The following HDAC4 variants were observed in gnomAD, a reference collection of about 807,000 sequenced individuals.
The protein encoded by HDAC4 is histone deacetylase 4.
Under a neutral mutation model 135.1 loss-of-function variants are expected in HDAC4, and 16 were observed. That is an observed-to-expected ratio of 0.12 (90% CI 0.08 to 0.18). The LOEUF (loss-of-function observed/expected upper bound fraction) is 0.18, where lower values mean the gene tolerates loss of function less well. Ranked by LOEUF, HDAC4 falls within the 10% of genes least tolerant of loss-of-function variation. The pLI, the probability that HDAC4 is intolerant of heterozygous loss-of-function variation, is 1.00. For synonymous variants in HDAC4, 685 were observed against 653.4 expected (o/e 1.05, Z -0.74); for missense variants, 1,143 against 1,511.8 (o/e 0.76, Z 4.05).
chr2:239,367,617 CTGTT>C (rs1335043078), intron 1 of HDAC4, among the ~76,000 whole-genome samples: 3 of 152,206 alleles, frequency 2.0e-5, no homozygotes, highest in Non-Finnish European at 2.9e-5. Flanking sequence ...ACAGTCAAAA[CTGTT>C]TGGCGAACAA....
intron 15 of HDAC4, among the ~76,000 whole-genome samples, chr2:239,106,804 C>T (rs997401558): frequency 1.3e-4 from 20 of 152,202 alleles, no homozygotes; most frequent in Admixed American, 2.6e-4. Context: ...AGAGGCCCTC[C>T]GTGCCACGCC....
intron 2 of HDAC4, among the ~76,000 whole-genome samples, chr2:239,311,065 C>T (rs1282598761): frequency 6.6e-6 from 1 of 152,250 alleles, no homozygotes; most frequent in African/African-American, 2.4e-5. Context: ...GCCTTCTTGG[C>T]TACCTGTGGT....
rs2052384425 is a variant in HDAC4, at chr2:239,303,421, C to T, written c.22+49257G>A. 1.3e-5 allele frequency among the ~76,000 whole-genome samples: 2 copies of T among 152,184 alleles called. No homozygotes were observed. Among genetic ancestry groups the T allele is most frequent in the South Asian group, 2.1e-4 (1 of 4,820 alleles). ...CCTTCTGCAGTCGCCACCGAGCACT[C>T]GTGGTGTGGCCCACAGGGCATCCTG... is the stretch of plus-strand genomic sequence containing the variant. On this transcript the variant is annotated intron_variant, in intron 2 of 26. Transcript: ENST00000543185. The surrounding 1 kb of genome is among the most constrained non-coding windows in gnomAD (Gnocchi z 5.1).
chr2:239,389,928 C>T (rs915409638), intron 1 of HDAC4, among the ~76,000 whole-genome samples: 3 of 152,140 alleles, frequency 2.0e-5, no homozygotes, highest in African/African-American at 7.2e-5. Context: ...GGAGCCAGAC[C>T]GAAGGAGAGT....
Position 239,262,110 on chromosome 2 carries a change from C to T in HDAC4, c.23-25446G>A, listed in dbSNP as rs536963769. 5.3e-4 allele frequency among the ~76,000 whole-genome samples: 80 copies of T among 152,296 alleles called. No homozygotes were observed. Among genetic ancestry groups the T allele is most frequent in the African/African-American group, 1.8e-3 (73 of 41,562 alleles). ...GGGACCCTCCCAACCACGCCAGCGC[C>T]GCCTGCAGTGACGCCGGGCCACGCT... On this transcript the variant is annotated intron_variant, in intron 2 of 26. Transcript: ENST00000543185. The surrounding 1 kb of genome is among the most constrained non-coding windows in gnomAD (Gnocchi z 4.1).
Position 239,189,972 on chromosome 2 carries a change from C to A in HDAC4, c.200G>T (p.Arg67Leu). The A allele has an allele frequency of 6.2e-7, 1 of 1,608,218 alleles. No homozygotes were observed. Among genetic ancestry groups the A allele is most frequent in the Non-Finnish European group, 8.5e-7 (1 of 1,179,908 alleles). ...FSLPVAEPAL[R>L]EQQLQQELLA... ...GAGCTCCTGCTGCAGCTGCTGCTCC[C>A]GCAGGGCCGGCTCTGCCACAGGCAG... Residue 67 changes from arginine (R) to leucine (L), a missense_variant, in exon 4 of 27, where the codon CGG becomes CTG. Transcript: ENST00000543185.
intron 3 of HDAC4, among the ~76,000 whole-genome samples, chr2:239,203,601 TCTGA>T (rs963207699): frequency 1.3e-5 from 2 of 152,168 alleles, no homozygotes; most frequent in African/African-American, 4.8e-5. Flanking sequence ...ACGTCCACGG[TCTGA>T]CTGTCTTCTG....
chr2:239,127,522 C>T (rs751624194), intron 11 of HDAC4, among the ~76,000 whole-genome samples: 4 of 152,172 alleles, frequency 2.6e-5, no homozygotes, highest in South Asian at 2.1e-4. Context: ...AAGGATCTAA[C>T]GAACCCTCTG....
intron 3 of HDAC4, among the ~76,000 whole-genome samples, chr2:239,200,424 T>C (rs1485050888): frequency 1.3e-5 from 2 of 152,204 alleles, no homozygotes; most frequent in Non-Finnish European, 1.5e-5. Context: ...AGAAGTATTC[T>C]TTAAGGTAAA....
In HDAC4 at chr2:239,306,405, G is replaced by T. The variant is rs879797455; in HGVS notation, c.22+46273C>A. On this transcript the variant is annotated intron_variant, in intron 2 of 26. Coordinates refer to ENST00000543185, the MANE Select transcript of HDAC4 (RefSeq NM_001378414.1). This position sits in a 1 kb window ranked among gnomAD's most constrained non-coding sequence, Gnocchi z 4.5. ...GAGGACCTCAGAGGCCACCTGGCCA[G>T]GCCCCATCCACGGATGTGTCCCTGC... 1.3e-5 allele frequency among the ~76,000 whole-genome samples: 2 copies of T among 152,102 alleles called. No individual in the cohort carries two copies. The highest frequency in any genetic ancestry group is 2.4e-5 in the African/African-American group (1 of 41,426).
At chr2:239,242,988 G>T (rs1450806971) in intron 2 of HDAC4, among the ~76,000 whole-genome samples, 1 of 152,060 alleles carries the variant, frequency 6.6e-6, no homozygotes, top group Non-Finnish European at 1.5e-5. Flanking sequence ...AGGCCCAGGG[G>T]GTTTTTGGGA....
intron 1 of HDAC4, among the ~76,000 whole-genome samples, chr2:239,391,454 C>T (rs1050351373): frequency 3.9e-5 from 6 of 152,170 alleles, no homozygotes; most frequent in Non-Finnish European, 5.9e-5. Flanking sequence ...CAGCAGCAGG[C>T]CCCGGGCAGG....
chr2:239,337,090 G>A lies in HDAC4; in HGVS notation c.22+15588C>T, dbSNP rs1048023914. ...TATGGGTTACTGAGAGGAAGACCAC[G>A]GGGGAAAGTGCCATTCTCATCATAT... On this transcript the variant is annotated intron_variant, in intron 2 of 26. Coordinates refer to ENST00000543185, the MANE Select transcript of HDAC4 (RefSeq NM_001378414.1). Among the ~76,000 whole-genome samples, 22 of 152,142 alleles carry A rather than the reference G, an allele frequency of 1.4e-4. 1 individual carries two copies. Among genetic ancestry groups the A allele is most frequent in the East Asian group, 9.6e-4 (5 of 5,194 alleles).
intron 24 of HDAC4, among the ~76,000 whole-genome samples, chr2:239,057,607 G>C (rs2032072663): frequency 6.6e-6 from 1 of 152,196 alleles, no homozygotes; most frequent in South Asian, 2.1e-4. Context: ...AAAATCTTAA[G>C]CCAATCAATG....
At chr2:239,335,259 G>A (rs1691853007) in intron 2 of HDAC4, among the ~76,000 whole-genome samples, 1 of 151,772 alleles carries the variant, frequency 6.6e-6, no homozygotes, top group African/African-American at 2.4e-5. Context: ...TTATGACAAA[G>A]TTGCATTGGA....
At position 239,281,221 on chromosome 2, in the gene HDAC4, A is replaced by C. The variant is rs111162885; in HGVS notation, c.23-44557T>G. On this transcript the variant is annotated intron_variant, in intron 2 of 26. Coordinates refer to ENST00000543185, the MANE Select transcript of HDAC4 (RefSeq NM_001378414.1). ...CCCTCTACAATGAACACACCACTCT[A>C]CACACAATGTACACACCACTCTCCA... Among the ~76,000 whole-genome samples, 130 of 134,008 alleles carry C rather than the reference A, an allele frequency of 9.7e-4. 4 individuals are homozygous for C. The highest frequency in any genetic ancestry group is 2.9e-3 in the African/African-American group (100 of 34,778). The allele number at this position is 134,008 out of a possible 152,430, so 87.9% of individuals were successfully genotyped here.
chr2:239,101,919 G>A (rs2037686373), intron 16 of HDAC4, among the ~76,000 whole-genome samples: 1 of 143,068 alleles, frequency 7.0e-6, no homozygotes, highest in South Asian at 2.4e-4. Flanking sequence ...CCCGGCCCCG[G>A]GTCTGTGTTC....
chr2:239,078,043 C>T (rs553303390), intron 22 of HDAC4, among the ~76,000 whole-genome samples: 10 of 152,332 alleles, frequency 6.6e-5, no homozygotes, highest in African/African-American at 7.2e-5. Flanking sequence ...CCACGGGCAT[C>T]TGGATGTGGC....
chr2:239,074,005 GGCAGCAGGACTGAGGGGA>G (rs1426068538), intron 22 of HDAC4, among the ~76,000 whole-genome samples: 4 of 147,122 alleles, frequency 2.7e-5, no homozygotes, highest in African/African-American at 5.1e-5. Flanking sequence ...GACTGAGGGG[GGCAGCAGGACTGAGGGGA>G]GCAGCAGGAC....
Sources: gnomAD v4.1 joint callset for allele counts (sites outside exome capture counted in the v4.1 genomes callset) on GRCh38, gnomAD v4.1.1 for gene constraint, Gnocchi (gnomAD v3.1) non-coding constraint, MANE v1.5 for transcripts, NCBI Gene and HGNC (gene_info 2026-07-23, HGNC 2026-07-21) for gene names.